Variants in NUDT7 observed in about 807,000 individuals in gnomAD.
NUDT7 encodes nudix hydrolase 7, also known as peroxisomal coenzyme A diphosphatase NUDT7.
Under a neutral mutation model 13.1 loss-of-function variants are expected in NUDT7, and 19 were observed. That is an observed-to-expected ratio of 1.45 (90% confidence interval 1.01 to 2.13). The LOEUF is 2.13. NUDT7 is among the 30% of genes most tolerant of loss of function. The pLI is 0.00. For synonymous variants in NUDT7, 132 were observed against 109.7 expected, an observed-to-expected ratio of 1.20 and a Z score of -1.27; for missense variants, 360 against 291.7, an observed-to-expected ratio of 1.23 and a Z score of -1.71.
chr16:77,725,647 T>A, intron 2 of NUDT7, 63 bp downstream of exon 2: 1 of 1,512,924 alleles, frequency 6.6e-7, no homozygotes, highest in Non-Finnish European at 9.1e-7. Flanking sequence ...CACGAGATTT[T>A]GTCACTTGCA....
chr16:77,733,738 G>A (rs950045490), intron 2 of NUDT7, among the ~76,000 whole-genome samples: 24 of 152,172 alleles, frequency 1.6e-4, no homozygotes, highest in African/African-American at 5.8e-4. Flanking sequence ...GCTCTGTGAG[G>A]AGCACACTGT....
At chr16:77,737,649 CTAA>C (rs1333675521) in intron 3 of NUDT7, among the ~76,000 whole-genome samples, 1 of 152,090 alleles carries the variant, frequency 6.6e-6, no homozygotes, top group Non-Finnish European at 1.5e-5. Flanking sequence ...CCGCGCCCGG[CTAA>C]TTTTTTGTAT....
Position 77,725,540 on chromosome 16 carries a change from A to C in NUDT7, c.145A>C (p.Lys49Gln). ...KYSVLLPLVA[K>Q]EGKLHLLFTV... ...CTCCGTCCTTTTGCCATTGGTGGCT[A>C]AAGAAGGAAAACTCCATTTGTTGTT... Residue 49 changes from lysine (K) to glutamine (Q), a missense_variant, in exon 2 of 4, where the codon AAA (lysine) becomes CAA (glutamine). Physicochemically the swap from Lys to Gln is moderately conservative, Grantham distance 53 (BLOSUM62 1). Coordinates refer to ENST00000268533, the MANE Select transcript of NUDT7 (RefSeq NM_001105663.3). 1 of 1,614,134 alleles carries C rather than the reference A, an allele frequency of 6.2e-7. No individual in the cohort carries two copies. The highest frequency in any genetic ancestry group is 8.5e-7 in the Non-Finnish European group (1 of 1,180,004).
chr16:77,735,324 A>C lies in NUDT7; in HGVS notation c.190-504A>C, dbSNP rs1234137259. On this transcript the variant is annotated intron_variant, in intron 2 of 3. Coordinates refer to ENST00000268533, the MANE Select transcript of NUDT7 (RefSeq NM_001105663.3). Reference sequence around the variant, plus strand: ...GGTACTGTCATCACAATAGTGAGTGAGTTCTCACGAGATAAGGTTGTTTAA... The same window carrying C: ...GGTACTGTCATCACAATAGTGAGTGCGTTCTCACGAGATAAGGTTGTTTAA... 7 of 439,084 alleles carry C rather than the reference A, an allele frequency of 1.6e-5. No individual in the cohort carries two copies. In the Admixed American group the frequency reaches 2.2e-4, roughly 14 times the overall value. The allele number at this position is 439,084 out of a possible 1,614,324, so 27.2% of individuals were successfully genotyped here.
At chr16:77,734,190 G>A (rs2014405422) in intron 2 of NUDT7, among the ~76,000 whole-genome samples, 1 of 152,134 alleles carries the variant, frequency 6.6e-6, no homozygotes, top group South Asian at 2.1e-4. Context: ...TTTGATAAAT[G>A]TGTGTTGTAC....
chr16:77,737,766 T>A (rs1210061470), intron 3 of NUDT7, among the ~76,000 whole-genome samples: 1 of 152,186 alleles, frequency 6.6e-6, no homozygotes, highest in Non-Finnish European at 1.5e-5. Context: ...ACTATAGACG[T>A]GAGCCACCAC....
chr16:77,740,844 G>A (rs925001134), intron 3 of NUDT7, among the ~76,000 whole-genome samples: 9 of 152,124 alleles, frequency 5.9e-5, no homozygotes, highest in East Asian at 3.9e-4. Context: ...CACCACACCC[G>A]GCCACTCATG....
chr16:77,726,905 G>C (rs1460507568), intron 2 of NUDT7, among the ~76,000 whole-genome samples: 2 of 152,136 alleles, frequency 1.3e-5, no homozygotes, highest in Admixed American at 6.5e-5. Context: ...CATGACACAG[G>C]CATCTGCTCA....
At chr16:77,727,621 G>C (rs2014179538) in intron 2 of NUDT7, among the ~76,000 whole-genome samples, 1 of 152,234 alleles carries the variant, frequency 6.6e-6, no homozygotes, top group African/African-American at 2.4e-5. Flanking sequence ...TTGGGAGGCT[G>C]AGGTGGGCGG....
intron 2 of NUDT7, among the ~76,000 whole-genome samples, chr16:77,731,311 T>C (rs2145114666): frequency 6.6e-6 from 1 of 152,178 alleles, no homozygotes; most frequent in East Asian, 1.9e-4. Context: ...AATACAGTCA[T>C]GTGCTGCAAA....
At chr16:77,722,795 C>G (rs1283270630) in intron 1 of NUDT7, among the ~76,000 whole-genome samples, 178 bp downstream of exon 1, 1 of 152,196 alleles carries the variant, frequency 6.6e-6, no homozygotes, top group Non-Finnish European at 1.5e-5. Context: ...AACCTTTGCA[C>G]TGCTCTGGCC....
chr16:77,726,062 C>T (rs539031259), intron 2 of NUDT7, among the ~76,000 whole-genome samples: 1 of 152,178 alleles, frequency 6.6e-6, no homozygotes, highest in Admixed American at 6.5e-5. Flanking sequence ...AATTGCCCCC[C>T]ACCAAGGGCC....
chr16:77,725,347 C>T, intron 1 of NUDT7, 84 bp from the exon 2 acceptor site: 1 of 1,289,898 alleles, frequency 7.8e-7, no homozygotes, highest in Non-Finnish European at 1.1e-6. Context: ...AAATACACAA[C>T]AAAGCAGAAA....
At chr16:77,726,294 C>T (rs1372824343) in intron 2 of NUDT7, among the ~76,000 whole-genome samples, 1 of 152,182 alleles carries the variant, frequency 6.6e-6, no homozygotes. Context: ...ATGAACATTT[C>T]ACAGGGTAAC....
At chr16:77,733,009 A>T (rs1405694718) in intron 2 of NUDT7, among the ~76,000 whole-genome samples, 1 of 152,216 alleles carries the variant, frequency 6.6e-6, no homozygotes, top group Non-Finnish European at 1.5e-5. Flanking sequence ...TATGTCCATC[A>T]GCCTTCTTTT....
At chr16:77,736,075 C>T (rs1235313320) in intron 3 of NUDT7, 89 bp downstream of exon 3, 5 of 1,211,084 alleles carry the variant, frequency 4.1e-6, no homozygotes, top group Admixed American at 1.9e-5. Context: ...CAAACATAAC[C>T]CCAAAGAGTA....
chr16:77,741,560 C>T, intron 3 of NUDT7, 22 bp from the exon 4 acceptor site: 1 of 1,562,130 alleles, frequency 6.4e-7, no homozygotes, highest in Non-Finnish European at 8.6e-7. Context: ...CTTAATTTGT[C>T]TGTTTTGTTT....
chr16:77,737,253 T>C (rs1372690992), intron 3 of NUDT7, among the ~76,000 whole-genome samples: 1 of 152,228 alleles, frequency 6.6e-6, no homozygotes, highest in Middle Eastern at 3.2e-3. Flanking sequence ...TTTGTGGTCA[T>C]GTCTCCTTAG....
chr16:77,737,823 T>C (rs911123569), intron 3 of NUDT7, among the ~76,000 whole-genome samples: 1 of 152,098 alleles, frequency 6.6e-6, no homozygotes, highest in Non-Finnish European at 1.5e-5. Context: ...TAAGTTTTTA[T>C]TTCAAAAGAA....
Sources: allele counts gnomAD v4.1 joint callset (sites outside exome capture counted in the v4.1 genomes callset), GRCh38; gene constraint gnomAD v4.1.1; transcripts MANE v1.5; gene names NCBI Gene and HGNC (gene_info 2026-07-23, HGNC 2026-07-21).